Variants in CLMN observed in about 807,000 individuals in gnomAD.
CLMN encodes calmin, also known as calmin (calponin-like, transmembrane).
A neutral mutation model predicts 92.7 loss-of-function variants in CLMN; 57 were observed. That is an observed-to-expected ratio of 0.61 (90% confidence interval 0.50 to 0.77). The LOEUF (loss-of-function observed/expected upper bound fraction) is 0.77, where lower values mean the gene tolerates loss of function less well. Ranked by LOEUF, CLMN falls within the 30% of genes least tolerant of loss-of-function variation. CLMN has a pLI of 0.00. For synonymous variants in CLMN, 466 were observed against 470.6 expected, an observed-to-expected ratio of 0.99 and a Z score of 0.13; for missense variants, 1,158 against 1,237.5, an observed-to-expected ratio of 0.94 and a Z score of 0.96.
rs1480148900 is a variant in CLMN, at chr14:95,223,874, G to T, written c.145-19C>A. On this transcript the variant is annotated intron_variant, in intron 2 of 12. Coordinates refer to ENST00000298912, the MANE Select transcript of CLMN (RefSeq NM_024734.4). The stretch of plus-strand genomic sequence containing the variant: ...GGTTGCACTTTGAAAGAGAAGGGAA[G>T]AAAGTAGCCAATTAGCAACCTGTGT... The T allele has an allele frequency of 6.4e-7, 1 of 1,564,494 alleles. No homozygotes were observed. The highest frequency in any genetic ancestry group is 1.7e-5 in the Admixed American group (1 of 57,750).
rs751267708 is a variant in CLMN, at chr14:95,184,983, GTAC to G, written c.*6578_*6580del. On this transcript the variant is annotated 3_prime_UTR_variant, in exon 13 of 13. Coordinates refer to ENST00000298912, the MANE Select transcript of CLMN (RefSeq NM_024734.4). ...TAGGTGGGCGTGGTGGCATGCACCT[GTAC>G]TACCAGCTACTTGGGAGGCTGAGGC... 1 of 152,396 alleles carries G rather than the reference GTAC, an allele frequency of 6.6e-6. No individual in the cohort carries two copies. The highest frequency in any genetic ancestry group is 2.1e-4 in the South Asian group (1 of 4,836). 9.4% of individuals were successfully genotyped at this position (152,396 alleles called of 1,614,324 possible).
intron 1 of CLMN, among the ~76,000 whole-genome samples, chr14:95,257,685 T>C (rs61301352): frequency 0.2 from 30,417 of 152,188 alleles, 3,529 homozygotes; most frequent in African/African-American, 0.31. Context: ...CACGTGGCTA[T>C]GCGGGGTGCG....
At position 95,182,123 on chromosome 14, in the gene CLMN, A is replaced by G. The variant is rs1406669448; in HGVS notation, c.*9441T>C. 1 of 152,204 alleles carries G rather than the reference A, an allele frequency of 6.6e-6. No individual in the cohort carries two copies. The highest frequency in any genetic ancestry group is 2.4e-5 in the African/African-American group (1 of 41,460). The allele number at this position is 152,204 out of a possible 1,614,324, so 9.4% of individuals were successfully genotyped here. On this transcript the variant is annotated 3_prime_UTR_variant, in exon 13 of 13. Transcript: ENST00000298912. ...TTTATATCTTAATTTACAGTAATCAATAAATAAGACGGCACATTCATATAT... is the reference window on the plus strand; with the variant it reads ...TTTATATCTTAATTTACAGTAATCAGTAAATAAGACGGCACATTCATATAT...
chr14:95,264,542 G>A (rs1037279835), intron 1 of CLMN, among the ~76,000 whole-genome samples: 9 of 152,094 alleles, frequency 5.9e-5, no homozygotes, highest in East Asian at 1.9e-4. Flanking sequence ...ACAGAGGCGC[G>A]CAGAAGCTAA....
intron 9 of CLMN, among the ~76,000 whole-genome samples, chr14:95,199,886 G>C (rs1036578971): frequency 6.6e-6 from 1 of 152,168 alleles, no homozygotes; most frequent in Non-Finnish European, 1.5e-5. Context: ...TGGCTAGAGG[G>C]GAGGGAGACA....
intron 1 of CLMN, among the ~76,000 whole-genome samples, chr14:95,266,437 CA>C (rs1566904103): frequency 1.3e-5 from 2 of 152,098 alleles, no homozygotes; most frequent in Non-Finnish European, 2.9e-5. Context: ...ATCAAGAAAG[CA>C]ATCCCATTTA....
In CLMN at chr14:95,216,058, A is replaced by G. The variant is rs758323562; in HGVS notation, c.325-325T>C. On this transcript the variant is annotated intron_variant, in intron 4 of 12. Coordinates refer to ENST00000298912, the MANE Select transcript of CLMN (RefSeq NM_024734.4). ...AGTCCGTTCTCATGTTGCTGCAAAG[A>G]TACTACCTGAGACTGAGTAATTTAT... Among the ~76,000 whole-genome samples the G allele has an allele frequency of 4.6e-5, 7 of 152,204 alleles. No individual in the cohort carries two copies. In the East Asian group the frequency reaches 1.3e-3, roughly 29 times the overall value.
At chr14:95,299,974 T>C (rs1900975313) in intron 1 of CLMN, among the ~76,000 whole-genome samples, 1 of 152,362 alleles carries the variant, frequency 6.6e-6, no homozygotes, top group Middle Eastern at 3.4e-3. Flanking sequence ...GGCAATAAAA[T>C]GTTTGACCTC....
At chr14:95,229,694 A>C (rs1303155073) in intron 2 of CLMN, among the ~76,000 whole-genome samples, 1 of 152,172 alleles carries the variant, frequency 6.6e-6, no homozygotes, top group East Asian at 1.9e-4. Context: ...AAGGAAATCT[A>C]GCTTTGCCCA....
chr14:95,280,200 A>C (rs1900093791), intron 1 of CLMN, among the ~76,000 whole-genome samples: 1 of 152,144 alleles, frequency 6.6e-6, no homozygotes, highest in South Asian at 2.1e-4. Context: ...TCTGTGCTTT[A>C]ACAAAAAAAT....
chr14:95,191,675 G>A lies in CLMN; in HGVS notation c.2898C>T (p.Asp966=), dbSNP rs1441712630. 1.2e-6 allele frequency: 2 copies of A among 1,613,294 alleles called. No homozygotes were observed. Among genetic ancestry groups the A allele is most frequent in the African/African-American group, 1.3e-5 (1 of 74,892 alleles). Residue 966 remains aspartate, a synonymous_variant, in exon 13 of 13, where the codon GAC becomes GAT. Transcript: ENST00000298912. The surrounding 1 kb of genome is among the most constrained non-coding windows in gnomAD (Gnocchi z 5.3). The stretch of plus-strand genomic sequence containing the variant: ...GCTGCTGGACAAGCTGTGTCAGGGA[G>A]TCACTCTGCGGGCTGTGGCTCCCCA... ...MSLGSHSPQS[D]SLTQLVQQPD... is the part of the protein sequence containing the mutation.
At chr14:95,193,969 T>C (rs374181295) in intron 11 of CLMN, 50 bp from the exon 12 acceptor site, 7 of 1,599,020 alleles carry the variant, frequency 4.4e-6, no homozygotes, top group South Asian at 2.3e-5. Flanking sequence ...TTAGTAAAGA[T>C]GAAATCTCTG....
chr14:95,268,792 CTCTTTTTTTTT>C lies in CLMN; in HGVS notation c.83-38670_83-38660del, dbSNP rs1207030112. On this transcript the variant is annotated intron_variant, in intron 1 of 12. Transcript: ENST00000298912. ...TATACTGGGACCTCTCTCTCTCTCT[CTCTTTTTTTTT>C]TTTTTTTTTTTTTTTTTTTAGACAG... Among the ~76,000 whole-genome samples the C allele has an allele frequency of 9.6e-5, 10 of 103,846 alleles. No homozygotes were observed. In the South Asian group the frequency reaches 3.1e-3, roughly 32 times the overall value. 68.1% of individuals were successfully genotyped at this position (103,846 alleles called of 152,430 possible).
chr14:95,232,467 C>G (rs1897921131), intron 1 of CLMN, among the ~76,000 whole-genome samples: 1 of 152,170 alleles, frequency 6.6e-6, no homozygotes, highest in African/African-American at 2.4e-5. Flanking sequence ...AATGTGGCAC[C>G]CATAAATCAC....
chr14:95,196,560 T>G lies in CLMN; in HGVS notation c.2646A>C (p.Pro882=), dbSNP rs775775102. 1 of 1,614,260 alleles carries G rather than the reference T, an allele frequency of 6.2e-7. No individual in the cohort carries two copies. The highest frequency in any genetic ancestry group is 1.1e-5 in the South Asian group (1 of 91,086). ...GGTCATCTGAGGATTGAACACTTCC[T>G]GGTGCTACAAATAGTGAACTTTCTA... ...DHVESSLFVA[P]GSVQSSDDLE... is the part of the protein sequence containing the mutation. The change falls in exon 10 of 13, where the codon CCA becomes CCC. Residue 882 remains proline (P), a synonymous_variant. Transcript: ENST00000298912.
chr14:95,264,541 C>T (rs536920152), intron 1 of CLMN, among the ~76,000 whole-genome samples: 6 of 152,200 alleles, frequency 3.9e-5, no homozygotes, highest in East Asian at 1.9e-4. Flanking sequence ...CACAGAGGCG[C>T]GCAGAAGCTA....
chr14:95,293,282 CTCCCTCCCTCCTTCCT>C (rs1900662323), intron 1 of CLMN, among the ~76,000 whole-genome samples: 1 of 75,206 alleles, frequency 1.3e-5, no homozygotes, highest in Admixed American at 1.3e-4. Context: ...CCTTCTTTTC[CTCCCTCCCTCCTTCCT>C]TCCCTCCCTC....
intron 1 of CLMN, among the ~76,000 whole-genome samples, chr14:95,298,560 C>A (rs563788977): frequency 6.6e-6 from 1 of 152,186 alleles, no homozygotes; most frequent in African/African-American, 2.4e-5. Context: ...AACTGCCCCA[C>A]CAAACACACA....
At chr14:95,271,911 A>C (rs995876402) in intron 1 of CLMN, among the ~76,000 whole-genome samples, 5 of 152,256 alleles carry the variant, frequency 3.3e-5, no homozygotes, top group African/African-American at 9.6e-5. Context: ...ATGGAATCAC[A>C]CAGTTTGTGC....
Sources: gnomAD v4.1 joint callset for allele counts (sites outside exome capture counted in the v4.1 genomes callset) on GRCh38, gnomAD v4.1.1 for gene constraint, Gnocchi (gnomAD v3.1) non-coding constraint, MANE v1.5 for transcripts, NCBI Gene and HGNC (gene_info 2026-07-23, HGNC 2026-07-21) for gene names.